EIF3H: variants seen among roughly 807,000 people sequenced by gnomAD.
EIF3H encodes the protein eIF-3-gamma.
EIF3H carries 26 observed loss-of-function variants against 44.2 expected under a neutral mutation model. The ratio of observed to expected loss-of-function variants is 0.59; its 90% CI spans 0.43 to 0.82. The LOEUF (loss-of-function observed/expected upper bound fraction) is 0.82, where lower values mean the gene tolerates loss of function less well. Among genes scored for constraint, EIF3H ranks in the 40% least tolerant of loss-of-function variants. The pLI, the probability that EIF3H is intolerant of heterozygous loss-of-function variation, is 0.00. For synonymous variants in EIF3H, 166 were observed against 151.9 expected, an observed-to-expected ratio of 1.09 and a Z score of -0.68; for missense variants, 359 against 432.8, an observed-to-expected ratio of 0.83 and a Z score of 1.51.
intron 1 of EIF3H, 108 bp downstream of exon 1, chr8:116,755,557 GC>G: frequency 6.8e-7 from 1 of 1,462,244 alleles, no homozygotes; most frequent in Non-Finnish European, 9.2e-7. Context: ...AAAAACTTTG[GC>G]CCAGCCACAC....
chr8:116,652,933 A>G (rs972492374), intron 5 of EIF3H, among the ~76,000 whole-genome samples: 2 of 152,198 alleles, frequency 1.3e-5, no homozygotes, highest in Admixed American at 6.5e-5. Context: ...AAAGGGCTAT[A>G]CTAAGTATAG....
chr8:116,718,980 A>T (rs944967442), intron 2 of EIF3H, among the ~76,000 whole-genome samples: 1 of 152,186 alleles, frequency 6.6e-6, no homozygotes, highest in Non-Finnish European at 1.5e-5. Flanking sequence ...TGATAAAAAC[A>T]CAAAAGAATA....
intron 2 of EIF3H, among the ~76,000 whole-genome samples, chr8:116,679,130 C>A (rs1360032978): frequency 1.4e-5 from 1 of 70,098 alleles, no homozygotes; most frequent in Non-Finnish European, 3.9e-5. Flanking sequence ...GGGGGTCAGC[C>A]CCCTGCCCGG....
intron 2 of EIF3H, among the ~76,000 whole-genome samples, chr8:116,702,179 G>T (rs1034513614): frequency 6.6e-6 from 1 of 152,120 alleles, no homozygotes. Flanking sequence ...AATGGGGAAG[G>T]GGGTAGAGAA....
intron 2 of EIF3H, among the ~76,000 whole-genome samples, chr8:116,718,241 G>T (rs941410282): frequency 2.0e-5 from 3 of 152,072 alleles, no homozygotes; most frequent in Non-Finnish European, 4.4e-5. Flanking sequence ...TGGCCTGGAT[G>T]GGGTGAAAAG....
At chr8:116,700,726 C>A (rs1225994655) in intron 2 of EIF3H, among the ~76,000 whole-genome samples, 1 of 152,142 alleles carries the variant, frequency 6.6e-6, no homozygotes, top group Non-Finnish European at 1.5e-5. Context: ...CTGGCAACTA[C>A]TATGAAAGTT....
chr8:116,695,181 C>G (rs1814249088), intron 2 of EIF3H, among the ~76,000 whole-genome samples: 1 of 151,410 alleles, frequency 6.6e-6, no homozygotes, highest in Non-Finnish European at 1.5e-5. Flanking sequence ...AATTCTCGTG[C>G]CTCAGCCACC....
chr8:116,736,968 T>C (rs12547079), intron 1 of EIF3H, among the ~76,000 whole-genome samples: 67,542 of 152,170 alleles, frequency 0.44, 18,875 homozygotes, highest in Non-Finnish European at 0.63. Flanking sequence ...GCTTAGAATT[T>C]TGCTGTTTAC....
intron 1 of EIF3H, among the ~76,000 whole-genome samples, chr8:116,736,820 C>T (rs566468698): frequency 1.8e-4 from 28 of 152,162 alleles, no homozygotes; most frequent in African/African-American, 6.7e-4. Context: ...GCTATAATAC[C>T]CAAAGAGCTA....
chr8:116,676,170 C>T lies in EIF3H; in HGVS notation c.290-17190G>A, dbSNP rs545469098. 4.3e-4 allele frequency among the ~76,000 whole-genome samples: 66 copies of T among 152,322 alleles called. 1 individual carries two copies. The South Asian group carries it at 0.012, about 28-fold the overall frequency. On this transcript the variant is annotated intron_variant, in intron 2 of 7. Coordinates refer to ENST00000521861, the MANE Select transcript of EIF3H (RefSeq NM_003756.3). ...TTAAGATCTTGAAGTTGGTTGTCAA[C>T]TGCAGCAATTAGGACTTCTCATAAA...
At chr8:116,736,741 G>A (rs1336800632) in intron 1 of EIF3H, among the ~76,000 whole-genome samples, 4 of 152,062 alleles carry the variant, frequency 2.6e-5, no homozygotes, top group Non-Finnish European at 4.4e-5. Context: ...GTCTGATGAA[G>A]AAACAATTCA....
chr8:116,718,143 T>C (rs748321026), intron 2 of EIF3H, among the ~76,000 whole-genome samples: 2 of 151,950 alleles, frequency 1.3e-5, no homozygotes, highest in Non-Finnish European at 2.9e-5. Context: ...TCACTAATTA[T>C]CAGGGAAATG....
At chr8:116,743,744 C>T (rs377059226) in intron 1 of EIF3H, among the ~76,000 whole-genome samples, 130 of 113,462 alleles carry the variant, frequency 1.1e-3, no homozygotes, top group African/African-American at 3.4e-3. Flanking sequence ...GGCGACAGAG[C>T]GATACCCTGT....
Position 116,725,889 on chromosome 8 carries a change from A to T in EIF3H, c.289+127T>A, listed in dbSNP as rs1017784554. The T allele has an allele frequency of 3.6e-6, 4 of 1,118,428 alleles. No individual in the cohort carries two copies. In the African/African-American group the frequency reaches 6.4e-5, roughly 18 times the overall value. 69.3% of individuals were successfully genotyped at this position (1,118,428 alleles called of 1,614,324 possible). On this transcript the variant is annotated intron_variant, in intron 2 of 7. Coordinates refer to ENST00000521861, the MANE Select transcript of EIF3H (RefSeq NM_003756.3). ...ATTTATATAATTTTCCCAAAGTATCAGACATCAAGTGAAGTAGGCTAGCCT... is the reference window on the plus strand; with the variant it reads ...ATTTATATAATTTTCCCAAAGTATCTGACATCAAGTGAAGTAGGCTAGCCT...
chr8:116,734,475 A>G (rs551096927), intron 1 of EIF3H: 1 of 440,360 alleles, frequency 2.3e-6, no homozygotes, highest in African/African-American at 2.0e-5. Context: ...CTCTAGATGG[A>G]TAAGCACTAG....
intron 2 of EIF3H, among the ~76,000 whole-genome samples, chr8:116,664,817 TA>T (rs1813642076): frequency 6.6e-6 from 1 of 152,234 alleles, no homozygotes; most frequent in Non-Finnish European, 1.5e-5. Context: ...AATGACTTAA[TA>T]TTTTATCAAA....
At chr8:116,677,902 A>G (rs1813875502) in intron 2 of EIF3H, among the ~76,000 whole-genome samples, 1 of 152,262 alleles carries the variant, frequency 6.6e-6, no homozygotes, top group South Asian at 2.1e-4. Context: ...TATGTATACT[A>G]ATAAAAAAAT....
intron 2 of EIF3H, among the ~76,000 whole-genome samples, chr8:116,723,691 T>C (rs1814790248): frequency 6.6e-6 from 1 of 152,168 alleles, no homozygotes; most frequent in African/African-American, 2.4e-5. Context: ...TTAAAAGTCA[T>C]ATCAAAAATG....
At chr8:116,704,115 T>C (rs952796834) in intron 2 of EIF3H, among the ~76,000 whole-genome samples, 3 of 152,198 alleles carry the variant, frequency 2.0e-5, no homozygotes, top group Non-Finnish European at 1.5e-5. Flanking sequence ...TGCTCCATTC[T>C]ACCTCCTGAC....
Sources: allele counts gnomAD v4.1 joint callset (sites outside exome capture counted in the v4.1 genomes callset), GRCh38; gene constraint gnomAD v4.1.1; transcripts MANE v1.5; gene names NCBI Gene and HGNC (gene_info 2026-07-23, HGNC 2026-07-21).